Variants in RBMS3 observed in about 807,000 individuals in gnomAD.
The protein encoded by RBMS3 is RNA binding motif single stranded interacting protein 3.
Under a neutral mutation model 66.8 loss-of-function variants are expected in RBMS3, and 27 were observed. The ratio of observed to expected loss-of-function variants is 0.40; its 90% CI spans 0.30 to 0.56. RBMS3 has a LOEUF of 0.56. Ranked by LOEUF, RBMS3 falls within the 20% of genes least tolerant of loss-of-function variation. RBMS3 has a pLI of 0.40. For synonymous variants in RBMS3, 188 were observed against 183.0 expected, an observed-to-expected ratio of 1.03 and a Z score of -0.22; for missense variants, 513 against 549.5, an observed-to-expected ratio of 0.93 and a Z score of 0.66.
intron 6 of RBMS3, among the ~76,000 whole-genome samples, chr3:29,800,490 G>A (rs1042897085): frequency 5.9e-5 from 9 of 151,974 alleles, no homozygotes; most frequent in Admixed American, 1.3e-4. Context: ...TATTTTCTAC[G>A]TAATACTTTA....
intron 6 of RBMS3, among the ~76,000 whole-genome samples, chr3:29,785,388 T>A (rs2149417128): frequency 6.6e-6 from 1 of 152,010 alleles, no homozygotes; most frequent in East Asian, 1.9e-4. Flanking sequence ...TTCAATGCAA[T>A]TCTTATCTTA....
chr3:29,898,736 C>CATGT (rs5847604), intron 9 of RBMS3, among the ~76,000 whole-genome samples: 2 of 142,532 alleles, frequency 1.4e-5, no homozygotes, highest in Admixed American at 6.9e-5. Context: ...TTGTAATGTG[C>CATGT]GTGTGTGTGT....
intron 4 of RBMS3, among the ~76,000 whole-genome samples, chr3:29,650,367 T>C (rs967332306): frequency 6.8e-6 from 1 of 146,752 alleles, no homozygotes; most frequent in Non-Finnish European, 1.5e-5. Flanking sequence ...CACAACTCAA[T>C]ACAGCCTCAA....
At chr3:29,603,893 T>C (rs2149121869) in intron 4 of RBMS3, among the ~76,000 whole-genome samples, 1 of 152,036 alleles carries the variant, frequency 6.6e-6, no homozygotes, top group Admixed American at 6.6e-5. Flanking sequence ...TATAAACATT[T>C]GTAGTGGTCA....
chr3:29,410,595 G>C (rs2040224326), intron 1 of RBMS3, among the ~76,000 whole-genome samples: 2 of 152,112 alleles, frequency 1.3e-5, no homozygotes, highest in Admixed American at 1.3e-4. Flanking sequence ...TTGCTTTATT[G>C]CCTCTAATAT....
At chr3:29,876,856 CAGGTACAA>C (rs2059620708) in intron 7 of RBMS3, among the ~76,000 whole-genome samples, 1 of 151,626 alleles carries the variant, frequency 6.6e-6, no homozygotes, top group Admixed American at 6.6e-5. Context: ...TGGAGACCAA[CAGGTACAA>C]AGGCACTTGA....
intron 6 of RBMS3, among the ~76,000 whole-genome samples, chr3:29,778,058 C>T (rs1320268063): frequency 1.3e-5 from 2 of 151,874 alleles, no homozygotes; most frequent in Non-Finnish European, 2.9e-5. Context: ...ACCTTTGCCT[C>T]CTGTTCATTC....
At chr3:29,844,524 T>C (rs553179489) in intron 6 of RBMS3, among the ~76,000 whole-genome samples, 1 of 152,308 alleles carries the variant, frequency 6.6e-6, no homozygotes, top group African/African-American at 2.4e-5. Context: ...ATCTAAACTT[T>C]CTCCAGGAAG....
intron 6 of RBMS3, among the ~76,000 whole-genome samples, chr3:29,803,523 A>G (rs1225718100): frequency 6.6e-6 from 1 of 152,188 alleles, no homozygotes; most frequent in East Asian, 1.9e-4. Context: ...AATATCTATC[A>G]CCTACCTTAA....
At chr3:29,828,408 T>G (rs1035833158) in intron 6 of RBMS3, among the ~76,000 whole-genome samples, 1 of 152,174 alleles carries the variant, frequency 6.6e-6, no homozygotes, top group East Asian at 1.9e-4. Context: ...TCAGTTGATA[T>G]GCACATTTAC....
chr3:29,853,423 C>CTTTTTTTTTTTTT lies in RBMS3; in HGVS notation c.638-15425_638-15413dup, dbSNP rs71091081. Among the ~76,000 whole-genome samples the CTTTTTTTTTTTTT allele has an allele frequency of 1.7e-3, 144 of 84,520 alleles. 17 individuals are homozygous for CTTTTTTTTTTTTT. Among genetic ancestry groups the CTTTTTTTTTTTTT allele is most frequent in the African/African-American group, 7.1e-3 (131 of 18,404 alleles). 55.4% of individuals were successfully genotyped at this position (84,520 alleles called of 152,430 possible). ...TGTATCTTAAGCTACAATTTACTTT[C>CTTTTTTTTTTTTT]TTTTTTTTTTTTTTTTTTTTTTGCA... On this transcript the variant is annotated intron_variant, in intron 6 of 14. Coordinates refer to ENST00000383767, the MANE Select transcript of RBMS3 (RefSeq NM_001003793.3).
At chr3:29,434,295 C>CA (rs1349038054) in intron 1 of RBMS3, among the ~76,000 whole-genome samples, 1 of 152,022 alleles carries the variant, frequency 6.6e-6, no homozygotes, top group Non-Finnish European at 1.5e-5. Context: ...TTGAGGAAAA[C>CA]AATAGGAGGG....
chr3:29,946,208 A>G (rs549340322), intron 12 of RBMS3, among the ~76,000 whole-genome samples: 6 of 151,812 alleles, frequency 4.0e-5, no homozygotes, highest in East Asian at 1.9e-4. Flanking sequence ...GACAACTTCA[A>G]TGACTTTTGA....
chr3:29,735,261 G>A (rs2054326795), intron 4 of RBMS3, among the ~76,000 whole-genome samples: 1 of 152,052 alleles, frequency 6.6e-6, no homozygotes, highest in Non-Finnish European at 1.5e-5. Flanking sequence ...ATCTGATTTT[G>A]ACAGCATACA....
At chr3:29,924,347 G>A (rs1453220423) in intron 10 of RBMS3, among the ~76,000 whole-genome samples, 1 of 152,110 alleles carries the variant, frequency 6.6e-6, no homozygotes, top group Non-Finnish European at 1.5e-5. Context: ...GCAAAAGGGT[G>A]TAGGAAATGT....
rs188912429 is a variant in RBMS3 at position 29,593,523 on chromosome 3, A to G, written c.399+6318A>G. Among the ~76,000 whole-genome samples, 136 of 152,232 alleles carry G rather than the reference A, an allele frequency of 8.9e-4. 1 individual carries two copies. The East Asian group carries it at 0.024, about 27-fold the overall frequency. ...GTTGTTTCCTGAGACTGGGTGGGAA[A>G]CAATCAATACTTTATATAGTGATGG... On this transcript the variant is annotated intron_variant, in intron 4 of 14. Coordinates refer to ENST00000383767, the MANE Select transcript of RBMS3 (RefSeq NM_001003793.3).
intron 3 of RBMS3, among the ~76,000 whole-genome samples, chr3:29,510,130 A>G (rs1383323455): frequency 6.6e-6 from 1 of 152,216 alleles, no homozygotes; most frequent in African/African-American, 2.4e-5. Flanking sequence ...TCTTTAAACA[A>G]TGCTTTAATC....
At chr3:29,567,856 C>T (rs2046803252) in intron 3 of RBMS3, among the ~76,000 whole-genome samples, 1 of 152,106 alleles carries the variant, frequency 6.6e-6, no homozygotes, top group Non-Finnish European at 1.5e-5. Context: ...TTTAAAATTG[C>T]AATTCCAAAT....
chr3:29,400,761 C>T (rs1048100150), intron 1 of RBMS3, among the ~76,000 whole-genome samples: 8 of 151,846 alleles, frequency 5.3e-5, no homozygotes, highest in African/African-American at 1.9e-4. Flanking sequence ...CCAAATGGAT[C>T]TTGATAGATG....
Sources: allele counts gnomAD v4.1 joint callset (sites outside exome capture counted in the v4.1 genomes callset), GRCh38; gene constraint gnomAD v4.1.1; transcripts MANE v1.5; gene names NCBI Gene and HGNC (gene_info 2026-07-23, HGNC 2026-07-21).